MRPL19: variants seen among roughly 807,000 people sequenced by gnomAD.
The protein encoded by MRPL19 is large ribosomal subunit protein bL19m.
A neutral mutation model predicts 34.0 loss-of-function variants in MRPL19; 31 were observed. That is an observed-to-expected ratio of 0.91 (90% CI 0.68 to 1.23). The LOEUF (loss-of-function observed/expected upper bound fraction) is 1.23, where lower values mean the gene tolerates loss of function less well. MRPL19 is among the 50% of genes most tolerant of loss of function. The probability of loss-of-function intolerance (pLI) is 0.00; values close to 1 mark genes in which losing one functional copy is unlikely to be tolerated. For missense variants in MRPL19, 384 were observed against 367.6 expected (o/e 1.04, Z -0.37); for synonymous variants, 152 against 127.7 (o/e 1.19, Z -1.28).
At chr2:75,652,115 T>C (rs1180935181) in intron 2 of MRPL19, 27 bp from the exon 3 acceptor site, 1 of 1,385,038 alleles carries the variant, frequency 7.2e-7, no homozygotes, top group African/African-American at 1.5e-5. Flanking sequence ...GAGTTTACTT[T>C]TAATTATTTA....
rs1349942889 is a variant in MRPL19 at position 75,661,592 on chromosome 2, AG to A, written c.*6308del. The A allele has an allele frequency of 1.3e-5, 2 of 152,214 alleles. No homozygotes were observed. Among genetic ancestry groups the A allele is most frequent in the African/African-American group, 4.8e-5 (2 of 41,462 alleles). The allele number at this position is 152,214 out of a possible 1,614,324, so 9.4% of individuals were successfully genotyped here. On this transcript the variant is annotated 3_prime_UTR_variant, in exon 6 of 6. Transcript: ENST00000393909. Reference sequence around the variant, plus strand: ...AATAACTCAGAGAGATCAAAAACTTAGTTTATCCTATTCGAAGGATTAGAAA... The same window carrying A: ...AATAACTCAGAGAGATCAAAAACTTATTTATCCTATTCGAAGGATTAGAAA...
Position 75,656,668 on chromosome 2 carries a change from A to G in MRPL19, c.*1383A>G, listed in dbSNP as rs189895622. On this transcript the variant is annotated 3_prime_UTR_variant, in exon 6 of 6. Coordinates refer to ENST00000393909, the MANE Select transcript of MRPL19 (RefSeq NM_014763.4). ...CCATTTTCTTTGTTTCTATTGTTGT[A>G]TTGAGAAATCCAATGCCATTTTGAT... is the stretch of plus-strand genomic sequence containing the variant. 3 of 152,106 alleles carry G rather than the reference A, an allele frequency of 2.0e-5. No homozygotes were observed. The highest frequency in any genetic ancestry group is 4.4e-5 in the Non-Finnish European group (3 of 67,954). The allele number at this position is 152,106 out of a possible 1,614,324, so 9.4% of individuals were successfully genotyped here. A position where few individuals can be genotyped will look rare whatever the true frequency, so the allele number is the denominator to read the frequency against.
At chr2:75,650,263 G>A (rs991925574) in intron 2 of MRPL19, among the ~76,000 whole-genome samples, 2 of 149,418 alleles carry the variant, frequency 1.3e-5, no homozygotes, top group African/African-American at 2.5e-5. Context: ...TTCATAATGA[G>A]CTTAAAATCA....
At position 75,646,827 on chromosome 2, in the gene MRPL19, C is replaced by T. The variant is rs762937368; in HGVS notation, c.20C>T (p.Ala7Val). ...GCTGGCATGGCGGCCTGCATTGCAG[C>T]GGGGCACTGGGCTGCAATGGGCCTA... MAACIAAGHWAAMGLGR... is the reference protein window; with the variant it reads MAACIAVGHWAAMGLGR... The change falls in exon 1 of 6, where the codon GCG becomes GTG. Residue 7 changes from alanine (A) to valine (V), a missense_variant. Transcript: ENST00000393909. 3.8e-6 allele frequency: 6 copies of T among 1,564,556 alleles called. No homozygotes were observed. The highest frequency in any genetic ancestry group is 1.4e-5 in the African/African-American group (1 of 73,510).
chr2:75,651,564 C>G (rs546882701), intron 2 of MRPL19: 342 of 418,290 alleles, frequency 8.2e-4, no homozygotes, highest in Non-Finnish European at 1.4e-3. Flanking sequence ...ATAGTCTTGA[C>G]CAGCAAACAC....
Position 75,658,637 on chromosome 2 carries a change from T to A in MRPL19, c.*3352T>A, listed in dbSNP as rs1157053607. On this transcript the variant is annotated 3_prime_UTR_variant, in exon 6 of 6. Coordinates refer to ENST00000393909, the MANE Select transcript of MRPL19 (RefSeq NM_014763.4). ...GAATTTCCCACTGTTTTTTTGTTAT[T>A]GATTTCCAAGTTCATTCCATTGTGA... Among the ~76,000 whole-genome samples, 2 of 152,156 alleles carry A rather than the reference T, an allele frequency of 1.3e-5. No individual in the cohort carries two copies. The highest frequency in any genetic ancestry group is 4.8e-5 in the African/African-American group (2 of 41,450).
Position 75,656,342 on chromosome 2 carries a change from A to G in MRPL19, c.*1057A>G, listed in dbSNP as rs143348476. 3.3e-5 allele frequency: 5 copies of G among 152,272 alleles called. No individual in the cohort carries two copies. The East Asian group carries it at 9.6e-4, about 29-fold the overall frequency. 9.4% of individuals were successfully genotyped at this position (152,272 alleles called of 1,614,324 possible). On this transcript the variant is annotated 3_prime_UTR_variant, in exon 6 of 6. Coordinates refer to ENST00000393909, the MANE Select transcript of MRPL19 (RefSeq NM_014763.4). ...TGTTCCTCAGGTTAAAAAATACAGT[A>G]CTATCCTAAATCTTGAAGGCAACTC...
chr2:75,651,236 C>T, intron 2 of MRPL19: 1 of 456,694 alleles, frequency 2.2e-6, no homozygotes, highest in East Asian at 5.7e-5. Flanking sequence ...TCCCTCCCAC[C>T]CGCACCTGTC....
At chr2:75,653,502 G>T (rs559868060) in intron 4 of MRPL19, among the ~76,000 whole-genome samples, 1 of 152,204 alleles carries the variant, frequency 6.6e-6, no homozygotes, top group Non-Finnish European at 1.5e-5. Flanking sequence ...GTGAGATACT[G>T]TATTTGAAGT....
intron 3 of MRPL19, 84 bp downstream of exon 3, chr2:75,652,344 A>G (rs1038787224): frequency 7.6e-7 from 1 of 1,320,450 alleles, no homozygotes; most frequent in Non-Finnish European, 1.1e-6. Context: ...AAAAAGCAAA[A>G]GAAGATTGTT....
At chr2:75,653,272 G>A (rs187572576) in intron 4 of MRPL19, among the ~76,000 whole-genome samples, 2 of 152,300 alleles carry the variant, frequency 1.3e-5, no homozygotes. Flanking sequence ...CAAAGAAATT[G>A]AAAATGTGAA....
At chr2:75,650,690 T>A (rs1488788183) in intron 2 of MRPL19, among the ~76,000 whole-genome samples, 1 of 151,998 alleles carries the variant, frequency 6.6e-6, no homozygotes, top group East Asian at 1.9e-4. Context: ...AATGCAGGGA[T>A]GTGAGACTGG....
chr2:75,653,414 T>C (rs1409536135), intron 4 of MRPL19, among the ~76,000 whole-genome samples: 4 of 152,218 alleles, frequency 2.6e-5, no homozygotes, highest in Non-Finnish European at 5.9e-5. Context: ...TAAATGAGCA[T>C]AGGAGTGAGT....
At position 75,655,297 on chromosome 2, in the gene MRPL19, A is replaced by G. The variant is rs528012397; in HGVS notation, c.*12A>G. ...CGAAAAGGTCTTGATTCTGAGAATGAATTTGGTTAGTTGCAGAAGATACAT... is the reference window on the plus strand; with the variant it reads ...CGAAAAGGTCTTGATTCTGAGAATGGATTTGGTTAGTTGCAGAAGATACAT... On this transcript the variant is annotated 3_prime_UTR_variant, in exon 6 of 6. Coordinates refer to ENST00000393909, the MANE Select transcript of MRPL19 (RefSeq NM_014763.4). The G allele has an allele frequency of 9.4e-6, 15 of 1,600,326 alleles. No individual in the cohort carries two copies. The highest frequency in any genetic ancestry group is 8.0e-5 in the African/African-American group (6 of 74,676).
At chr2:75,647,020 G>A in intron 1 of MRPL19, 82 bp from the exon 2 acceptor site, 1 of 1,482,550 alleles carries the variant, frequency 6.7e-7, no homozygotes, top group African/African-American at 1.4e-5. Context: ...CCCGTGGGAC[G>A]CCGGGTTGGG....
rs1553430649 is a variant in MRPL19, at chr2:75,658,953, G to GTTTTGT, written c.*3672_*3673insGTTTTT. On this transcript the variant is annotated 3_prime_UTR_variant, in exon 6 of 6. Coordinates refer to ENST00000393909, the MANE Select transcript of MRPL19 (RefSeq NM_014763.4). Reference sequence around the variant, plus strand: ...GCATATCACTATCTTGTTTTGTTTTGTTTTTTCTGTCCATTCTGCCAATTT... The same window carrying GTTTTGT: ...GCATATCACTATCTTGTTTTGTTTTGTTTTGTTTTTTTCTGTCCATTCTGCCAATTT... 2.0e-5 allele frequency among the ~76,000 whole-genome samples: 3 copies of GTTTTGT among 151,706 alleles called. No homozygotes were observed. The highest frequency in any genetic ancestry group is 2.9e-5 in the Non-Finnish European group (2 of 67,876).
intron 4 of MRPL19, among the ~76,000 whole-genome samples, chr2:75,654,025 A>T (rs975147696): frequency 1.3e-5 from 2 of 152,146 alleles, no homozygotes; most frequent in African/African-American, 4.8e-5. Flanking sequence ...CTGGTGGCTT[A>T]TTCTGTTCGT....
chr2:75,652,452 C>T, intron 3 of MRPL19, 71 bp from the exon 4 acceptor site: 1 of 1,532,524 alleles, frequency 6.5e-7, no homozygotes, highest in Admixed American at 2.1e-5. Context: ...TTTGTTTCTG[C>T]ATCTTATATA....
chr2:75,648,695 C>T (rs1056089686), intron 2 of MRPL19, among the ~76,000 whole-genome samples: 2 of 148,666 alleles, frequency 1.3e-5, no homozygotes, highest in Non-Finnish European at 3.0e-5. Context: ...CCCATTTCTA[C>T]TAAAAGTACA....
Sources: gnomAD v4.1 joint callset for allele counts (sites outside exome capture counted in the v4.1 genomes callset) on GRCh38, gnomAD v4.1.1 for gene constraint, MANE v1.5 for transcripts, NCBI Gene and HGNC (gene_info 2026-07-23, HGNC 2026-07-21) for gene names.